The following PPIP5K1 variants were observed in gnomAD, a reference collection of about 807,000 sequenced individuals.
PPIP5K1 encodes the protein inositol hexakisphosphate and diphosphoinositol-pentakisphosphate kinase 1.
Under a neutral mutation model 27.7 loss-of-function variants are expected in PPIP5K1, and 6 were observed. The observed-to-expected ratio is 0.22, with a 90% CI of 0.12 to 0.43. The LOEUF is 0.43. Among genes scored for constraint, PPIP5K1 ranks in the 20% least tolerant of loss-of-function variants. The pLI is 1.00. For missense variants in PPIP5K1, 394 were observed against 635.4 expected (o/e 0.62, Z 4.08); for synonymous variants, 145 against 242.6 (o/e 0.60, Z 3.74).
chr15:43,551,695 C>A, intron 30 of PPIP5K1, among the ~76,000 whole-genome samples: 1 of 124,274 alleles, frequency 8.0e-6, no homozygotes, highest in East Asian at 2.6e-4. Context: ...CTCCGCCTCC[C>A]GGGTTCATGC....
rs968629461 is a variant in PPIP5K1 at position 43,533,594 on chromosome 15, A to G, written c.*1080T>C. The G allele has an allele frequency of 3.9e-5, 6 of 152,430 alleles. No individual in the cohort carries two copies. The highest frequency in any genetic ancestry group is 1.4e-4 in the African/African-American group (6 of 41,388). 9.4% of individuals were successfully genotyped at this position (152,430 alleles called of 1,614,324 possible). On this transcript the variant is annotated 3_prime_UTR_variant, in exon 32 of 32. Coordinates refer to ENST00000420765, the MANE Select transcript of PPIP5K1 (RefSeq NM_001394395.1). ...CTGGATCTTTGGAAAAAGCTTCATA[A>G]TCATATCTGGCCCTCAGACACAATG...
intron 30 of PPIP5K1, among the ~76,000 whole-genome samples, chr15:43,549,078 T>C (rs1164508020): frequency 6.8e-5 from 8 of 117,616 alleles, no homozygotes; most frequent in South Asian, 2.8e-4. Context: ...TATATATATA[T>C]ATACATATAT....
rs1183482669 is a variant in PPIP5K1 at position 43,565,694 on chromosome 15, T to C, written c.3047-702A>G. Among the ~76,000 whole-genome samples the C allele has an allele frequency of 2.1e-3, 119 of 55,576 alleles. 1 individual carries two copies. The East Asian group carries it at 0.036, about 17-fold the overall frequency. 36.5% of individuals were successfully genotyped at this position (55,576 alleles called of 152,430 possible). Reference sequence around the variant, plus strand: ...CTTCCCAAGTAGCTGGGATTGCAAGTACACACCATCATGCCTGGACAATTT... The same window carrying C: ...CTTCCCAAGTAGCTGGGATTGCAAGCACACACCATCATGCCTGGACAATTT... On this transcript the variant is annotated intron_variant, in intron 26 of 31. Transcript: ENST00000420765.
rs191577937 is a variant in PPIP5K1, at chr15:43,540,543, A to C, written c.3557-960T>G. Among the ~76,000 whole-genome samples, 620 of 151,628 alleles carry C rather than the reference A, an allele frequency of 4.1e-3. 3 individuals are homozygous for C. The highest frequency in any genetic ancestry group is 8.1e-3 in the Non-Finnish European group (547 of 67,836). On this transcript the variant is annotated intron_variant, in intron 30 of 31. Coordinates refer to ENST00000420765, the MANE Select transcript of PPIP5K1 (RefSeq NM_001394395.1). ...GAAACCCCGTCTCTACTAAAAATAC[A>C]AAAATTAGCCGGGTGTAGTGGCACA...
intron 30 of PPIP5K1, among the ~76,000 whole-genome samples, chr15:43,546,168 T>C (rs1342636497): frequency 6.6e-6 from 1 of 152,228 alleles, no homozygotes; most frequent in Non-Finnish European, 1.5e-5. Context: ...TTTCTTGCAT[T>C]TGGCATAATG....
chr15:43,546,539 C>T (rs960321848), intron 30 of PPIP5K1, among the ~76,000 whole-genome samples: 7 of 152,070 alleles, frequency 4.6e-5, no homozygotes, highest in African/African-American at 1.2e-4. Context: ...AATCCTCCTG[C>T]CTTGGCCTAA....
chr15:43,540,652 G>A (rs1489704895), intron 30 of PPIP5K1, among the ~76,000 whole-genome samples: 3 of 150,834 alleles, frequency 2.0e-5, no homozygotes, highest in Non-Finnish European at 4.4e-5. Flanking sequence ...AGCCGAGATC[G>A]CATCATTGCA....
chr15:43,536,652 T>G (rs2079905244), intron 31 of PPIP5K1, among the ~76,000 whole-genome samples: 1 of 152,162 alleles, frequency 6.6e-6, no homozygotes, highest in African/African-American at 2.4e-5. Flanking sequence ...AAGACGCTTG[T>G]AAGTCTTGGG....
chr15:43,547,024 G>C (rs969018562), intron 30 of PPIP5K1, among the ~76,000 whole-genome samples: 46 of 152,074 alleles, frequency 3.0e-4, no homozygotes, highest in Non-Finnish European at 5.0e-4. Flanking sequence ...ACTTCCATTA[G>C]CACTGTATGA....
At chr15:43,549,045 AAAAAAAAAAAAATATATATAT>A (rs1388962545) in intron 30 of PPIP5K1, among the ~76,000 whole-genome samples, 1,244 of 101,652 alleles carry the variant, frequency 0.012, 68 homozygotes, top group East Asian at 0.067. Context: ...AAAAAAAAAA[AAAAAAAAAAAAATATATATAT>A]ATATATATAT....
chr15:43,537,704 A>AG (rs1555419044), intron 31 of PPIP5K1, among the ~76,000 whole-genome samples: 1 of 134,824 alleles, frequency 7.4e-6, no homozygotes, highest in African/African-American at 3.2e-5. Flanking sequence ...AAAAAAAAAA[A>AG]AAAGAGAGAG....
chr15:43,557,935 G>T (rs534450980), intron 30 of PPIP5K1, among the ~76,000 whole-genome samples: 72 of 149,954 alleles, frequency 4.8e-4, no homozygotes, highest in African/African-American at 1.7e-3. Context: ...CTCTAGAGTT[G>T]CTGGGATTAC....
At chr15:43,540,418 G>T (rs1026131735) in intron 30 of PPIP5K1, among the ~76,000 whole-genome samples, 4 of 152,004 alleles carry the variant, frequency 2.6e-5, no homozygotes, top group African/African-American at 9.7e-5. Context: ...AAAAATTAAG[G>T]CCGGGCACAG....
At chr15:43,544,905 G>A (rs946983912) in intron 30 of PPIP5K1, among the ~76,000 whole-genome samples, 2 of 152,164 alleles carry the variant, frequency 1.3e-5, no homozygotes, top group Admixed American at 6.6e-5. Flanking sequence ...GGGGCCGGGC[G>A]TGGTGGCTCA....
chr15:43,535,236 G>T lies in PPIP5K1; in HGVS notation c.3911C>A (p.Thr1304Asn), dbSNP rs544544573. ...NQSPQVPPME[T>N]SQPYEEVSQP... ...GCTGACCTCCTCGTATGGCTGGCTGGTTTCCATAGGTGGCACCTGTGGGGA... is the reference window on the plus strand; with the variant it reads ...GCTGACCTCCTCGTATGGCTGGCTGTTTTCCATAGGTGGCACCTGTGGGGA... The change falls in exon 32 of 32, where the codon ACC becomes AAC. Residue 1304 changes from threonine (T) to asparagine (N), a missense_variant. Thr to Asn is a moderately conservative substitution (Grantham distance 65). Transcript: ENST00000420765. The T allele has an allele frequency of 6.2e-7, 1 of 1,614,214 alleles. No homozygotes were observed. The highest frequency in any genetic ancestry group is 2.2e-5 in the East Asian group (1 of 44,886).
intron 30 of PPIP5K1, among the ~76,000 whole-genome samples, chr15:43,547,885 A>C (rs185053005): frequency 6.6e-6 from 1 of 152,360 alleles, no homozygotes; most frequent in African/African-American, 2.4e-5. Context: ...TTTCTGAAGA[A>C]AAGACATTAA....
At chr15:43,557,546 G>C (rs999103159) in intron 30 of PPIP5K1, among the ~76,000 whole-genome samples, 2 of 152,156 alleles carry the variant, frequency 1.3e-5, no homozygotes, top group African/African-American at 4.8e-5. Context: ...AATAAGCTAC[G>C]ACTGCAAAAA....
intron 30 of PPIP5K1, among the ~76,000 whole-genome samples, chr15:43,549,056 A>T (rs201588124): frequency 0.011 from 596 of 52,590 alleles, 2 homozygotes; most frequent in East Asian, 0.071. Flanking sequence ...AAAAAAAAAA[A>T]ATATATATAT....
intron 10 of PPIP5K1, among the ~76,000 whole-genome samples, chr15:43,579,629 GTGTATA>G (rs1348111204): frequency 1.8e-5 from 1 of 56,358 alleles, no homozygotes; most frequent in Non-Finnish European, 2.7e-5. Flanking sequence ...GTGTGTGTGT[GTGTATA>G]TATATATATA....
Sources: allele counts gnomAD v4.1 joint callset (sites outside exome capture counted in the v4.1 genomes callset), GRCh38; gene constraint gnomAD v4.1.1; transcripts MANE v1.5; gene names NCBI Gene and HGNC (gene_info 2026-07-23, HGNC 2026-07-21).